Variants in ZNF875 observed in about 807,000 individuals in gnomAD.
ZNF875 encodes HKR1, GLI-Kruppel zinc finger family member.
ZNF875 carries 14 observed loss-of-function variants against 11.2 expected under a neutral mutation model. The observed-to-expected ratio is 1.26, with a 90% CI of 0.83 to 1.96. The LOEUF is 1.96. Among genes scored for constraint, ZNF875 ranks in the 30% most tolerant of loss-of-function variants. The pLI, the probability that ZNF875 is intolerant of heterozygous loss-of-function variation, is 0.00. For missense variants in ZNF875, 752 were observed against 760.4 expected, an observed-to-expected ratio of 0.99 and a Z score of 0.13; for synonymous variants, 301 against 281.1, an observed-to-expected ratio of 1.07 and a Z score of -0.71.
At chr19:37,339,102 G>A (rs989076211) in intron 2 of ZNF875, among the ~76,000 whole-genome samples, 1 of 151,986 alleles carries the variant, frequency 6.6e-6, no homozygotes, top group East Asian at 1.9e-4. Flanking sequence ...TTAATGATGG[G>A]TAAAACACAG....
intron 2 of ZNF875, among the ~76,000 whole-genome samples, chr19:37,343,777 A>T (rs1261855419): frequency 6.6e-6 from 1 of 152,142 alleles, no homozygotes; most frequent in Non-Finnish European, 1.5e-5. Context: ...AGGAGACTGC[A>T]TGAAGGGTAG....
intron 1 of ZNF875, among the ~76,000 whole-genome samples, chr19:37,319,677 A>G (rs376769309): frequency 1.0e-3 from 154 of 152,188 alleles, no homozygotes; most frequent in African/African-American, 3.3e-3. Flanking sequence ...ATATTTCTCC[A>G]TATCTTAATA....
chr19:37,332,997 A>G (rs1413104051), upstream of ZNF875, among the ~76,000 whole-genome samples: 1 of 152,298 alleles, frequency 6.6e-6, no homozygotes, highest in East Asian at 1.9e-4. Flanking sequence ...GCAGCTGTAA[A>G]TGCTTTCCTA....
chr19:37,343,189 T>C (rs2036089111), intron 2 of ZNF875, among the ~76,000 whole-genome samples: 1 of 151,652 alleles, frequency 6.6e-6, no homozygotes, highest in African/African-American at 2.4e-5. Context: ...ATACAAAAAT[T>C]AGCCGGGTGT....
intron 4 of ZNF875, among the ~76,000 whole-genome samples, chr19:37,350,799 C>CTTTTT (rs61142979): frequency 5.5e-5 from 5 of 91,246 alleles, no homozygotes; most frequent in South Asian, 8.8e-4. Flanking sequence ...ATTCTTTTTG[C>CTTTTT]TTTTTTTTTT....
Position 37,327,760 on chromosome 19 carries a change from CAAAAA to C in ZNF875, c.-603+3509_-603+3513del, listed in dbSNP as rs55800209. ...GCCTGGCCCACAGAGCAAAACTCCT[CAAAAA>C]AAAAAAAAAAAAATCATACTCGCTC... On this transcript the variant is annotated intron_variant, in intron 4 of 5. Coordinates refer to the ZNF875 transcript ENST00000544914. Among the ~76,000 whole-genome samples the C allele has an allele frequency of 1.4e-4, 16 of 113,292 alleles. No individual in the cohort carries two copies. In the South Asian group the frequency reaches 4.4e-3, roughly 31 times the overall value. The allele number at this position is 113,292 out of a possible 152,430, so 74.3% of individuals were successfully genotyped here.
chr19:37,335,242 G>T lies in ZNF875; in HGVS notation c.18G>T (p.Leu6=). The change falls in exon 2 of 5, where the codon CTG becomes CTT. Residue 6 remains leucine, a synonymous_variant. Coordinates refer to ENST00000392153, the MANE Select transcript of ZNF875 (RefSeq NM_001353803.2). MATGL[L]RAKKEAFVAF... is the part of the protein sequence containing the mutation. Reference sequence around the variant, plus strand: ...CCAGGAAAATGGCCACAGGGCTCCTGAGAGCCAAAAAAGAGGTGAGAATTA... The same window carrying T: ...CCAGGAAAATGGCCACAGGGCTCCTTAGAGCCAAAAAAGAGGTGAGAATTA... 1.4e-6 allele frequency: 1 copy of T among 701,250 alleles called. No individual in the cohort carries two copies. Among genetic ancestry groups the T allele is most frequent in the South Asian group, 1.5e-5 (1 of 67,536 alleles). 43.4% of individuals were successfully genotyped at this position (701,250 alleles called of 1,614,324 possible). A position where few individuals can be genotyped will look rare whatever the true frequency, so the allele number is the denominator to read the frequency against.
At chr19:37,353,216 A>G (rs893706314) in intron 4 of ZNF875, among the ~76,000 whole-genome samples, 1 of 152,176 alleles carries the variant, frequency 6.6e-6, no homozygotes, top group Non-Finnish European at 1.5e-5. Context: ...CTATCTAGCT[A>G]TGTATCTGCC....
chr19:37,328,004 G>T (rs1450519470), intron 4 of ZNF875, among the ~76,000 whole-genome samples: 1 of 152,074 alleles, frequency 6.6e-6, no homozygotes, highest in Non-Finnish European at 1.5e-5. Context: ...CACTTTGGGA[G>T]GCCAAGGCGG....
intron 4 of ZNF875, among the ~76,000 whole-genome samples, chr19:37,353,411 A>G (rs537103889): frequency 6.6e-6 from 1 of 152,350 alleles, no homozygotes; most frequent in African/African-American, 2.4e-5. Context: ...CTACAGTGTT[A>G]AAATTTTTAA....
At chr19:37,350,746 A>G (rs560546287) in intron 4 of ZNF875, among the ~76,000 whole-genome samples, 33 of 150,180 alleles carry the variant, frequency 2.2e-4, no homozygotes, top group South Asian at 4.2e-4. Flanking sequence ...CTTCCCTCCA[A>G]TCTTAACCCC....
At chr19:37,333,194 C>G (rs1179641501), upstream of ZNF875, among the ~76,000 whole-genome samples, 1 of 152,172 alleles carries the variant, frequency 6.6e-6, no homozygotes, top group African/African-American at 2.4e-5. Context: ...TACATCTAAA[C>G]ATAGTGATTT....
chr19:37,355,639 A>G (rs1276067884), intron 4 of ZNF875, among the ~76,000 whole-genome samples: 1 of 152,202 alleles, frequency 6.6e-6, no homozygotes, highest in Non-Finnish European at 1.5e-5. Context: ...CATATAGAAT[A>G]ATATGGTTTT....
chr19:37,341,207 G>A (rs974986074), intron 2 of ZNF875, among the ~76,000 whole-genome samples: 5 of 152,236 alleles, frequency 3.3e-5, no homozygotes, highest in Non-Finnish European at 5.9e-5. Context: ...CTCTATCAGT[G>A]TATCAGCCTT....
At chr19:37,317,647 A>G (rs1320743471), upstream of ZNF875, among the ~76,000 whole-genome samples, 1 of 152,236 alleles carries the variant, frequency 6.6e-6, no homozygotes, top group Non-Finnish European at 1.5e-5. Context: ...CGCAGCGGGT[A>G]GACGTTCCAG....
rs1399398378 is a variant in ZNF875 at position 37,363,079 on chromosome 19, C to T, written c.1227C>T (p.Leu409=). 11 of 1,613,926 alleles carry T rather than the reference C, an allele frequency of 6.8e-6. No individual in the cohort carries two copies. The South Asian group carries it at 1.1e-4, about 16-fold the overall frequency. ...CEQGFSQKSH[L]IRHLRTHTGE... Reference sequence around the variant, plus strand: ...AAGGCTTTAGCCAGAAGTCACACCTCATCAGACACTTAAGGACACACACAG... The same window carrying T: ...AAGGCTTTAGCCAGAAGTCACACCTTATCAGACACTTAAGGACACACACAG... Residue 409 remains leucine, a synonymous_variant, in exon 5 of 5, where the codon CTC becomes CTT. Coordinates refer to ENST00000392153, the MANE Select transcript of ZNF875 (RefSeq NM_001353803.2).
intron 2 of ZNF875, among the ~76,000 whole-genome samples, chr19:37,343,006 G>A (rs1035690734): frequency 6.6e-6 from 1 of 152,146 alleles, no homozygotes; most frequent in Non-Finnish European, 1.5e-5. Context: ...TGTTATGGCA[G>A]CACTTCACTT....
intron 2 of ZNF875, among the ~76,000 whole-genome samples, chr19:37,341,880 G>A (rs957462780): frequency 6.6e-6 from 1 of 152,222 alleles, no homozygotes; most frequent in African/African-American, 2.4e-5. Flanking sequence ...ACAGTGGTGA[G>A]AGAGAGATAC....
chr19:37,361,913 T>A (rs2039987811), intron 4 of ZNF875, 196 bp from the exon 5 acceptor site: 7 of 461,214 alleles, frequency 1.5e-5, no homozygotes, highest in East Asian at 3.5e-5. Flanking sequence ...AGACTCCGTT[T>A]AAAAAAAAAA....
Sources: gnomAD v4.1 joint callset for allele counts (sites outside exome capture counted in the v4.1 genomes callset) on GRCh38, gnomAD v4.1.1 for gene constraint, MANE v1.5 for transcripts, NCBI Gene and HGNC (gene_info 2026-07-23, HGNC 2026-07-21) for gene names.